Variants in NSD2 observed in about 807,000 individuals in gnomAD.
NSD2 encodes histone-lysine N-methyltransferase NSD2.
A neutral mutation model predicts 139.0 loss-of-function variants in NSD2; 12 were observed. The ratio of observed to expected loss-of-function variants is 0.09; its 90% CI spans 0.06 to 0.14. NSD2 has a LOEUF of 0.14. Among genes scored for constraint, NSD2 ranks in the 10% least tolerant of loss-of-function variants. NSD2 has a pLI of 1.00. For missense variants in NSD2, 1,155 were observed against 1,745.0 expected (o/e 0.66, Z 6.02); for synonymous variants, 669 against 648.7 (o/e 1.03, Z -0.48).
chr4:1,889,504 CTTTT>C (rs768102024), intron 1 of NSD2, among the ~76,000 whole-genome samples: 1 of 142,370 alleles, frequency 7.0e-6, no homozygotes, highest in African/African-American at 2.6e-5. Context: ...CAAGATTTGA[CTTTT>C]TTTTTTTTTT....
intron 9 of NSD2, among the ~76,000 whole-genome samples, chr4:1,949,785 C>T (rs1398912025): frequency 6.6e-6 from 1 of 151,266 alleles, no homozygotes; most frequent in Non-Finnish European, 1.5e-5. Context: ...AAAAAAAGCC[C>T]ACTCTAACAC....
intron 5 of NSD2, among the ~76,000 whole-genome samples, chr4:1,924,494 C>A (rs1720587609): frequency 6.6e-6 from 1 of 152,150 alleles, no homozygotes; most frequent in Non-Finnish European, 1.5e-5. Flanking sequence ...ACCCTATTGG[C>A]TTTTTGGGAC....
rs34910181 is a variant in NSD2 at position 1,916,875 on chromosome 4, GA to G, written c.770del (p.Lys257ArgfsTer26). ...ACATTTTATTTTAAAAACTAGGTCAGAAAAAGAGTGCACGCCAGTATCACGT... is the reference window on the plus strand; with the variant it reads ...ACATTTTATTTTAAAAACTAGGTCAGAAAAGAGTGCACGCCAGTATCACGT... ...LHSYTKLKGQ[K>X]KSARQYHVQF... is the part of the protein sequence containing the mutation. On this transcript the variant is annotated frameshift_variant, in exon 4 of 22. Transcript: ENST00000508803. LOFTEE classifies it high-confidence loss of function. 6.3e-7 allele frequency: 1 copy of G among 1,595,670 alleles called. No individual in the cohort carries two copies. The highest frequency in any genetic ancestry group is 1.2e-5 in the South Asian group (1 of 86,566).
chr4:1,878,365 C>T (rs1714457072), intron 1 of NSD2, among the ~76,000 whole-genome samples: 1 of 147,680 alleles, frequency 6.8e-6, no homozygotes, highest in African/African-American at 2.5e-5. Context: ...GTCTTGGCCT[C>T]CCAAAGTGTT....
intron 1 of NSD2, among the ~76,000 whole-genome samples, chr4:1,873,880 C>A (rs1235114906): frequency 6.6e-6 from 1 of 152,164 alleles, no homozygotes. Context: ...GACAGGGTCT[C>A]TCTATGTGGC....
At chr4:1,946,118 T>C in intron 9 of NSD2, 2 of 1,029,256 alleles carry the variant, frequency 1.9e-6, no homozygotes, top group South Asian at 9.2e-5. Flanking sequence ...GTGCGGTTTA[T>C]CTTTGAGATG....
intron 18 of NSD2, among the ~76,000 whole-genome samples, chr4:1,961,748 G>A (rs1725393555): frequency 6.6e-6 from 1 of 152,178 alleles, no homozygotes; most frequent in Non-Finnish European, 1.5e-5. Context: ...GGTGTTGCCG[G>A]GCCCTTCCAG....
rs1270224211 is a variant in NSD2 at position 1,958,332 on chromosome 4, C to CA, written c.2985+297dup. On this transcript the variant is annotated intron_variant, in intron 16 of 21. Transcript: ENST00000508803. The surrounding 1 kb of genome is among the most constrained non-coding windows in gnomAD (Gnocchi z 4.6). ...AGGAGGAGCTGAGGGATGAGCCTCCCACCTGCACCAGGCTGTTGCCAAGTG... is the reference window on the plus strand; with the variant it reads ...AGGAGGAGCTGAGGGATGAGCCTCCCAACCTGCACCAGGCTGTTGCCAAGTG... Among the ~76,000 whole-genome samples the CA allele has an allele frequency of 2.6e-5, 4 of 152,238 alleles. No individual in the cohort carries two copies. Among genetic ancestry groups the CA allele is most frequent in the African/African-American group, 9.6e-5 (4 of 41,460 alleles).
At chr4:1,911,550 T>C (rs1718662152) in intron 3 of NSD2, among the ~76,000 whole-genome samples, 2 of 128,776 alleles carry the variant, frequency 1.6e-5, no homozygotes, top group Non-Finnish European at 3.1e-5. Context: ...ATCGCAGTAC[T>C]GCACTCCAGC....
intron 5 of NSD2, among the ~76,000 whole-genome samples, 163 bp from the exon 6 acceptor site, chr4:1,930,463 G>A (rs188511324): frequency 1.3e-5 from 2 of 152,272 alleles, no homozygotes; most frequent in African/African-American, 4.8e-5. Context: ...CATCAGTTAA[G>A]CACTACTTTT....
intron 9 of NSD2, chr4:1,943,797 C>A (rs1321406429): frequency 9.4e-7 from 1 of 1,061,460 alleles, no homozygotes; most frequent in Non-Finnish European, 1.1e-6. Context: ...GTTCAATAAG[C>A]AGTCACCCAA....
At position 1,942,910 on chromosome 4, in the gene NSD2, A is replaced by G; in HGVS notation, c.1881+3132A>G. ...CTAATTTCCAACATAAGAGGCAGGA[A>G]GAGTTTTGATTCTATCCTTTTTTAC... On this transcript the variant is annotated intron_variant, in intron 9 of 21. Transcript: ENST00000508803. The surrounding 1 kb of genome is among the most constrained non-coding windows in gnomAD (Gnocchi z 4.0). 1 of 1,057,922 alleles carries G rather than the reference A, an allele frequency of 9.5e-7. No homozygotes were observed. The highest frequency in any genetic ancestry group is 1.1e-6 in the Non-Finnish European group (1 of 874,750). The allele number at this position is 1,057,922 out of a possible 1,614,324, so 65.5% of individuals were successfully genotyped here. A position where few individuals can be genotyped will look rare whatever the true frequency, so the allele number is the denominator to read the frequency against.
chr4:1,946,119 C>CT (rs1416304865), intron 9 of NSD2: 10 of 1,028,678 alleles, frequency 9.7e-6, no homozygotes, highest in Non-Finnish European at 1.2e-5. Flanking sequence ...TGCGGTTTAT[C>CT]TTTGAGATGA....
intron 3 of NSD2, among the ~76,000 whole-genome samples, chr4:1,915,840 G>A (rs1719315540): frequency 6.6e-6 from 1 of 152,148 alleles, no homozygotes; most frequent in Admixed American, 6.5e-5. Flanking sequence ...TGCATGAGGG[G>A]ACAGGGAGTG....
intron 3 of NSD2, among the ~76,000 whole-genome samples, chr4:1,908,539 G>T (rs981041481): frequency 2.8e-4 from 42 of 152,204 alleles, no homozygotes; most frequent in African/African-American, 9.2e-4. Flanking sequence ...CCCTCCAACT[G>T]AAAGGAGATT....
chr4:1,906,654 CTT>C (rs537619996), intron 3 of NSD2, among the ~76,000 whole-genome samples: 471 of 99,870 alleles, frequency 4.7e-3, no homozygotes, highest in African/African-American at 0.012. Flanking sequence ...CTCTCTCTCT[CTT>C]TTTTTTTTTT....
chr4:1,928,771 G>A lies in NSD2; in HGVS notation c.1411-1855G>A, dbSNP rs567277877. The stretch of plus-strand genomic sequence containing the variant: ...AGGTGGGTGGGAGGGCAGCAGGCCC[G>A]TGAAGGAATGTGCTGTGTTTGAGGA... On this transcript the variant is annotated intron_variant, in intron 5 of 21. Coordinates refer to ENST00000508803, the MANE Select transcript of NSD2 (RefSeq NM_001042424.3). Among the ~76,000 whole-genome samples the A allele has an allele frequency of 1.1e-3, 170 of 152,158 alleles. 1 individual carries two copies. Among genetic ancestry groups the A allele is most frequent in the African/African-American group, 4.0e-3 (165 of 41,508 alleles).
intron 6 of NSD2, among the ~76,000 whole-genome samples, chr4:1,933,646 G>A (rs767981389): frequency 2.6e-5 from 4 of 151,922 alleles, no homozygotes; most frequent in Non-Finnish European, 5.9e-5. Context: ...CACCCACCTC[G>A]GCCTCCCAGA....
chr4:1,969,942 C>T (rs1726271716), intron 18 of NSD2, among the ~76,000 whole-genome samples: 2 of 152,102 alleles, frequency 1.3e-5, no homozygotes, highest in Non-Finnish European at 2.9e-5. Context: ...AAAGCCTAAA[C>T]CTCAAGGAAC....
Sources: gnomAD v4.1 joint callset for allele counts (sites outside exome capture counted in the v4.1 genomes callset) on GRCh38, gnomAD v4.1.1 for gene constraint, Gnocchi (gnomAD v3.1) non-coding constraint, MANE v1.5 for transcripts, NCBI Gene and HGNC (gene_info 2026-07-23, HGNC 2026-07-21) for gene names.